The following SLAMF6 variants were observed in gnomAD, a reference collection of about 807,000 sequenced individuals.
SLAMF6 encodes SLAM family member 6.
SLAMF6 carries 21 observed loss-of-function variants against 38.3 expected under a neutral mutation model. The ratio of observed to expected loss-of-function variants is 0.55; its 90% CI spans 0.39 to 0.79. The LOEUF (loss-of-function observed/expected upper bound fraction) is 0.79, where lower values mean the gene tolerates loss of function less well. SLAMF6 is among the 30% of genes least tolerant of loss of function. The probability of loss-of-function intolerance (pLI) is 0.00; values close to 1 mark genes in which losing one functional copy is unlikely to be tolerated. For synonymous variants in SLAMF6, 152 were observed against 146.3 expected (o/e 1.04, Z -0.28); for missense variants, 341 against 385.3 (o/e 0.89, Z 0.96).
intron 1 of SLAMF6, among the ~76,000 whole-genome samples, chr1:160,505,899 C>A (rs1654161278): frequency 6.6e-6 from 1 of 151,992 alleles, no homozygotes; most frequent in South Asian, 2.1e-4. Context: ...TCAACAGAAG[C>A]TCTGTGTAGG....
intron 1 of SLAMF6, among the ~76,000 whole-genome samples, chr1:160,510,731 A>G (rs1295388056): frequency 6.6e-6 from 1 of 152,196 alleles, no homozygotes; most frequent in Non-Finnish European, 1.5e-5. Context: ...TGGAAGTTCT[A>G]GCCAGAGCAA....
At position 160,491,364 on chromosome 1, in the gene SLAMF6, G is replaced by A. The variant is rs745329111; in HGVS notation, c.407C>T (p.Thr136Ile). Reference protein sequence around the residue: ...ILRQLRNIQVTNHSQLFQNMT... With the variant: ...ILRQLRNIQVINHSQLFQNMT... ...ATTCTGAAATAGCTGACTGTGATTGGTAACTTGTATGTTCCTCAGTTGTCC... is the reference window on the plus strand; with the variant it reads ...ATTCTGAAATAGCTGACTGTGATTGATAACTTGTATGTTCCTCAGTTGTCC... The change falls in exon 3 of 8, where the codon ACC (threonine) becomes ATC (isoleucine). Residue 136 changes from threonine to isoleucine, a missense_variant. By Grantham distance (89) the Thr-to-Ile change is moderately conservative. Transcript: ENST00000368057. The A allele has an allele frequency of 1.4e-5, 22 of 1,613,654 alleles. No individual in the cohort carries two copies. Among genetic ancestry groups the A allele is most frequent in the Non-Finnish European group, 1.7e-5 (20 of 1,179,910 alleles).
chr1:160,496,419 A>T (rs1653585957), intron 1 of SLAMF6, 26 bp from the exon 2 acceptor site: 2 of 1,604,256 alleles, frequency 1.2e-6, no homozygotes, highest in South Asian at 2.2e-5. Context: ...GAAAGGTTTT[A>T]AAAATGTTCC....
intron 2 of SLAMF6, among the ~76,000 whole-genome samples, chr1:160,492,856 C>G (rs1044308363): frequency 3.3e-5 from 5 of 152,080 alleles, no homozygotes; most frequent in African/African-American, 1.2e-4. Context: ...GTGGCTTTAC[C>G]TTCAACATAT....
chr1:160,508,115 A>G (rs1036106552), intron 1 of SLAMF6, among the ~76,000 whole-genome samples: 2 of 152,288 alleles, frequency 1.3e-5, no homozygotes, highest in East Asian at 1.9e-4. Flanking sequence ...TGCCATCCCC[A>G]TCAAGCTACC....
At chr1:160,510,470 A>G (rs1196119476) in intron 1 of SLAMF6, among the ~76,000 whole-genome samples, 1 of 152,200 alleles carries the variant, frequency 6.6e-6, no homozygotes, top group Non-Finnish European at 1.5e-5. Context: ...TATGATATTA[A>G]CAGAATGAAG....
intron 2 of SLAMF6, 93 bp from the exon 3 acceptor site, chr1:160,491,481 T>A: frequency 1.3e-6 from 2 of 1,516,882 alleles, no homozygotes; most frequent in Non-Finnish European, 1.8e-6. Context: ...GTTTTGTATT[T>A]CACCTTTGCT....
At chr1:160,495,125 T>G (rs1475149030) in intron 2 of SLAMF6, among the ~76,000 whole-genome samples, 1 of 152,218 alleles carries the variant, frequency 6.6e-6, no homozygotes, top group African/African-American at 2.4e-5. Context: ...GGAGACCTTT[T>G]ATTTTAACAG....
chr1:160,512,801 A>G (rs1214387195), intron 1 of SLAMF6, among the ~76,000 whole-genome samples: 1 of 152,210 alleles, frequency 6.6e-6, no homozygotes, highest in Non-Finnish European at 1.5e-5. Context: ...AAGAAAAACA[A>G]ACAGAAAGCA....
intron 1 of SLAMF6, among the ~76,000 whole-genome samples, chr1:160,521,432 A>G (rs78921150): frequency 0.012 from 1,878 of 152,284 alleles, 14 homozygotes; most frequent in Middle Eastern, 0.031. Flanking sequence ...GAGGAGTTTT[A>G]ACACAAGGAC....
At chr1:160,486,861 G>T in intron 7 of SLAMF6, 107 bp from the exon 8 acceptor site, 1 of 1,299,022 alleles carries the variant, frequency 7.7e-7, no homozygotes, top group East Asian at 2.4e-5. Context: ...GCAGATAATA[G>T]AGATATTGAT....
intron 2 of SLAMF6, among the ~76,000 whole-genome samples, chr1:160,492,131 T>C (rs143114454): frequency 1.3e-5 from 2 of 152,226 alleles, no homozygotes; most frequent in African/African-American, 2.4e-5. Flanking sequence ...CCAGGAAATA[T>C]TGCCTAGTAA....
Position 160,486,636 on chromosome 1 carries a change from C to T in SLAMF6, c.*71G>A, listed in dbSNP as rs1168832923. 6.8e-7 allele frequency: 1 copy of T among 1,472,818 alleles called. No homozygotes were observed. Among genetic ancestry groups the T allele is most frequent in the African/African-American group, 1.4e-5 (1 of 71,660 alleles). The allele number at this position is 1,472,818 out of a possible 1,614,324, so 91.2% of individuals were successfully genotyped here. A position where few individuals can be genotyped will look rare whatever the true frequency, so the allele number is the denominator to read the frequency against. ...CCAGGAACAACAGGAACCAAGCTTCCTGTTCTTTGTTCTGTCTCATGGGAT... is the reference window on the plus strand; with the variant it reads ...CCAGGAACAACAGGAACCAAGCTTCTTGTTCTTTGTTCTGTCTCATGGGAT... On this transcript the variant is annotated 3_prime_UTR_variant, in exon 8 of 8. Coordinates refer to ENST00000368057, the MANE Select transcript of SLAMF6 (RefSeq NM_001184714.2).
intron 6 of SLAMF6, among the ~76,000 whole-genome samples, 174 bp downstream of exon 6, chr1:160,488,914 G>C (rs772224511): frequency 6.6e-6 from 1 of 152,134 alleles, no homozygotes; most frequent in Non-Finnish European, 1.5e-5. Context: ...TCCCTTAAGG[G>C]TGAGAAAGGC....
chr1:160,490,618 G>A lies in SLAMF6; in HGVS notation c.714C>T (p.Phe238=), dbSNP rs779224911. The change falls in exon 4 of 8, where the codon TTC becomes TTT. Residue 238 remains phenylalanine, a synonymous_variant. Transcript: ENST00000368057. ...LFMVSGICIV[F]GFIILLLLVL... ...CAAGTAACAGCAGTATGATGAAACC[G>A]AAGACTATGCATATCCCAGAAACCA... The A allele has an allele frequency of 1.4e-5, 23 of 1,613,804 alleles. No individual in the cohort carries two copies. The highest frequency in any genetic ancestry group is 1.6e-4 in the Middle Eastern group (1 of 6,078).
At chr1:160,496,031 T>C in intron 2 of SLAMF6, 30 bp downstream of exon 2, 1 of 1,580,908 alleles carries the variant, frequency 6.3e-7, no homozygotes, top group Non-Finnish European at 8.6e-7. Context: ...TTTCAGTCCA[T>C]ATGGAATTAA....
intron 1 of SLAMF6, among the ~76,000 whole-genome samples, chr1:160,511,303 C>G (rs1363656730): frequency 1.3e-5 from 2 of 152,138 alleles, no homozygotes; most frequent in Non-Finnish European, 2.9e-5. Context: ...TGGACTCACA[C>G]TTTCCAATTT....
intron 1 of SLAMF6, 71 bp from the exon 2 acceptor site, chr1:160,496,464 C>T: frequency 2.7e-6 from 4 of 1,456,968 alleles, no homozygotes; most frequent in South Asian, 1.3e-5. Context: ...CACCCTTTCA[C>T]CTAACGCTGC....
At chr1:160,498,966 A>T (rs1249548) in intron 1 of SLAMF6, among the ~76,000 whole-genome samples, 145,512 of 152,262 alleles carry the variant, frequency 0.96, 69,574 homozygotes, top group African/African-American at 0.99. Flanking sequence ...ATTAGACCTT[A>T]TGTTGGGTAC....
Sources: allele counts gnomAD v4.1 joint callset (sites outside exome capture counted in the v4.1 genomes callset), GRCh38; gene constraint gnomAD v4.1.1; transcripts MANE v1.5; gene names NCBI Gene and HGNC (gene_info 2026-07-23, HGNC 2026-07-21).